B4GALNT3: variants seen among roughly 807,000 people sequenced by gnomAD.
B4GALNT3 encodes the protein beta-1,4-N-acetyl-galactosaminyltransferase 3, also known as beta-1,4-N-acetylgalactosaminyltransferase 3.
A neutral mutation model predicts 120.2 loss-of-function variants in B4GALNT3; 86 were observed. The ratio of observed to expected loss-of-function variants is 0.72; its 90% CI spans 0.60 to 0.86. The LOEUF is 0.86. Ranked by LOEUF, B4GALNT3 falls within the 40% of genes least tolerant of loss-of-function variation. The pLI is 0.00. For synonymous variants in B4GALNT3, 518 were observed against 510.4 expected (o/e 1.01, Z -0.20); for missense variants, 1,167 against 1,298.9 (o/e 0.90, Z 1.56).
At position 550,798 on chromosome 12, in the gene B4GALNT3, A is replaced by G; in HGVS notation, c.998-124A>G. ...CAGCCTCCAGCTGGCAGCCTCAGCC[A>G]CAGACGTCGGCAGAACACAGCTGCC... On this transcript the variant is annotated intron_variant, in intron 10 of 19. Transcript: ENST00000266383. This position sits in a 1 kb window ranked among gnomAD's most constrained non-coding sequence, Gnocchi z 4.1. 1 of 764,378 alleles carries G rather than the reference A, an allele frequency of 1.3e-6. No homozygotes were observed. Among genetic ancestry groups the G allele is most frequent in the Non-Finnish European group, 2.1e-6 (1 of 472,620 alleles). 47.3% of individuals were successfully genotyped at this position (764,378 alleles called of 1,614,324 possible). A position where few individuals can be genotyped will look rare whatever the true frequency, so the allele number is the denominator to read the frequency against.
At chr12:552,246 G>C (rs1947091421) in intron 12 of B4GALNT3, 83 bp downstream of exon 12, 1 of 1,239,388 alleles carries the variant, frequency 8.1e-7, no homozygotes, top group Non-Finnish European at 1.2e-6. Flanking sequence ...CCAGGGTGAT[G>C]GTGGCACCCC....
intron 11 of B4GALNT3, among the ~76,000 whole-genome samples, chr12:551,758 G>A (rs946827557): frequency 6.6e-6 from 1 of 152,144 alleles, no homozygotes; most frequent in African/African-American, 2.4e-5. Context: ...GAGGGAGGAA[G>A]GAGTGGTTTT....
At chr12:554,683 G>A (rs1483639672) in intron 14 of B4GALNT3, among the ~76,000 whole-genome samples, 5 of 147,610 alleles carry the variant, frequency 3.4e-5, no homozygotes, top group South Asian at 2.2e-4. Context: ...CCAGCTACTC[G>A]GGAGGCTGAG....
intron 1 of B4GALNT3, among the ~76,000 whole-genome samples, chr12:485,002 C>T (rs906245349): frequency 5.9e-5 from 9 of 152,062 alleles, no homozygotes; most frequent in Non-Finnish European, 8.8e-5. Flanking sequence ...ATGGTGTTCT[C>T]GCATAGACAA....
At chr12:512,416 C>T (rs541545460) in intron 1 of B4GALNT3, among the ~76,000 whole-genome samples, 1 of 88,070 alleles carries the variant, frequency 1.1e-5, no homozygotes, top group Non-Finnish European at 2.0e-5. Flanking sequence ...TTCCACCTTC[C>T]GCCTTCCGCC....
At chr12:535,011 C>T (rs932429518) in intron 1 of B4GALNT3, among the ~76,000 whole-genome samples, 155 bp from the exon 2 acceptor site, 1 of 152,196 alleles carries the variant, frequency 6.6e-6, no homozygotes, top group Non-Finnish European at 1.5e-5. Context: ...CAGTCTGCAG[C>T]TATCTCCTGC....
At chr12:549,636 G>A (rs1284708680) in intron 9 of B4GALNT3, 133 bp from the exon 10 acceptor site, 3 of 1,147,962 alleles carry the variant, frequency 2.6e-6, no homozygotes, top group Non-Finnish European at 2.5e-6. Flanking sequence ...GAGGGAGTGT[G>A]GCTGCGCACA....
At chr12:514,506 T>A (rs562186754) in intron 1 of B4GALNT3, among the ~76,000 whole-genome samples, 122 of 152,104 alleles carry the variant, frequency 8.0e-4, no homozygotes, top group South Asian at 6.4e-3. Flanking sequence ...CTATTTTTTT[T>A]AAATAAAAGA....
chr12:478,906 C>CA (rs1156871515), intron 1 of B4GALNT3, among the ~76,000 whole-genome samples: 1 of 152,238 alleles, frequency 6.6e-6, no homozygotes, highest in African/African-American at 2.4e-5. Flanking sequence ...CTTTTCCACC[C>CA]ATCTGGGAAG....
At chr12:540,296 A>G (rs758787) in intron 3 of B4GALNT3, among the ~76,000 whole-genome samples, 152,292 of 152,336 alleles carry the variant, frequency 1, 76,124 homozygotes, top group Middle Eastern at 1. Flanking sequence ...CCTCTCTTTC[A>G]TCTTTAAGGG....
At position 553,281 on chromosome 12, in the gene B4GALNT3, T is replaced by C. The variant is rs1285508769; in HGVS notation, c.1358T>C (p.Leu453Pro). The C allele has an allele frequency of 6.2e-7, 1 of 1,613,440 alleles. No individual in the cohort carries two copies. The highest frequency in any genetic ancestry group is 1.3e-5 in the African/African-American group (1 of 74,904). Residue 453 changes from leucine (L) to proline (P), a missense_variant, in exon 14 of 20, where the codon CTT (leucine) becomes CCT (proline). This residue lies in a region of B4GALNT3 where 983 missense variants were observed against 1,102.5 expected (regional missense o/e 0.89). Transcript: ENST00000266383. Reference protein sequence around the residue: ...PASNNQNARMLEGRQTPASTL... With the variant: ...PASNNQNARMPEGRQTPASTL... ...TCCAACAACCAGAATGCCAGGATGC[T>C]TGAGGGAAGACAGACACCTGCCTCC...
intron 1 of B4GALNT3, among the ~76,000 whole-genome samples, chr12:529,154 G>A (rs982433396): frequency 3.9e-5 from 6 of 152,060 alleles, no homozygotes; most frequent in Non-Finnish European, 8.8e-5. Context: ...CTTTCTAATG[G>A]AGCCCTGCCC....
chr12:512,288 C>T (rs1458494707), intron 1 of B4GALNT3, among the ~76,000 whole-genome samples: 1 of 104,542 alleles, frequency 9.6e-6, no homozygotes, highest in East Asian at 4.3e-4. Flanking sequence ...TTCCACCTTC[C>T]ACCTTCTTCC....
At chr12:486,761 T>C (rs950628854) in intron 1 of B4GALNT3, among the ~76,000 whole-genome samples, 1 of 152,174 alleles carries the variant, frequency 6.6e-6, no homozygotes, top group Admixed American at 6.5e-5. Context: ...GCCCTTTTCA[T>C]AATTTGTTTT....
At chr12:511,922 C>CCTT (rs200035951) in intron 1 of B4GALNT3, among the ~76,000 whole-genome samples, 5 of 134,836 alleles carry the variant, frequency 3.7e-5, no homozygotes, top group South Asian at 2.8e-4. Flanking sequence ...CCTTCTTCCA[C>CCTT]CTTCCACCTT....
chr12:552,097 C>T lies in B4GALNT3; in HGVS notation c.1142C>T (p.Thr381Ile), dbSNP rs772044550. Reference protein sequence around the residue: ...HLSFVYPNDYTRLSHMETHNK... With the variant: ...HLSFVYPNDYIRLSHMETHNK... The stretch of plus-strand genomic sequence containing the variant: ...TCTTTTGTTTACCCCAATGACTATA[C>T]CCGCCTGAGCCACATGGAGACCCAC... The change falls in exon 12 of 20, where the codon ACC (threonine) becomes ATC (isoleucine). Residue 381 changes from threonine to isoleucine, a missense_variant. Thr to Ile is a moderately conservative substitution (Grantham distance 89). Around this residue, in one of 3 missense-constraint regions of B4GALNT3, gnomAD observed 983 missense variants for 1,102.5 expected, o/e 0.89. Transcript: ENST00000266383. 1.9e-6 allele frequency: 3 copies of T among 1,613,080 alleles called. No homozygotes were observed. The highest frequency in any genetic ancestry group is 2.5e-6 in the Non-Finnish European group (3 of 1,179,120).
intron 1 of B4GALNT3, among the ~76,000 whole-genome samples, chr12:522,932 G>A (rs1946724540): frequency 9.8e-6 from 1 of 102,564 alleles, no homozygotes; most frequent in East Asian, 3.4e-4. Context: ...GACAGAGGGA[G>A]ACTCTGTTTA....
At chr12:472,483 C>T (rs528405309) in intron 1 of B4GALNT3, among the ~76,000 whole-genome samples, 14 of 141,632 alleles carry the variant, frequency 9.9e-5, no homozygotes, top group African/African-American at 4.1e-4. Flanking sequence ...GAGTCTCGCT[C>T]TTTCGCCCAG....
chr12:541,919 C>T (rs769353830), intron 3 of B4GALNT3, among the ~76,000 whole-genome samples: 6 of 148,848 alleles, frequency 4.0e-5, no homozygotes. Context: ...GGCATGCCCT[C>T]CCCCACTGCC....
Sources: allele counts gnomAD v4.1 joint callset (sites outside exome capture counted in the v4.1 genomes callset), GRCh38; gene constraint gnomAD v4.1.1; regional missense constraint gnomAD v4.1.1; non-coding constraint Gnocchi (gnomAD v3.1); transcripts MANE v1.5; gene names NCBI Gene and HGNC (gene_info 2026-07-23, HGNC 2026-07-21).